DOCK2: variants seen among roughly 807,000 people sequenced by gnomAD.
The protein encoded by DOCK2 is dedicator of cytokinesis 2, also known as dedicator of cytokinesis protein 2.
In DOCK2, 87 loss-of-function variants were observed where a neutral mutation model predicts 248.9. The ratio of observed to expected loss-of-function variants is 0.35; its 90% CI spans 0.29 to 0.42. The LOEUF is 0.42. Among genes scored for constraint, DOCK2 ranks in the 10% least tolerant of loss-of-function variants. The probability of loss-of-function intolerance (pLI) is 1.00; values close to 1 mark genes in which losing one functional copy is unlikely to be tolerated. For synonymous variants in DOCK2, 805 were observed against 821.6 expected (o/e 0.98, Z 0.35); for missense variants, 1,747 against 2,300.2 (o/e 0.76, Z 4.92).
At chr5:169,705,827 T>G (rs190512964) in intron 14 of DOCK2, among the ~76,000 whole-genome samples, 154 of 152,314 alleles carry the variant, frequency 1.0e-3, no homozygotes, top group Non-Finnish European at 1.7e-3. Context: ...TTTTTCTTCC[T>G]GCAGAGATGT....
Position 169,972,570 on chromosome 5 carries a change from TAGATAGATAGATAGATGATAGATA to T in DOCK2, c.2800-10497_2800-10474del, listed in dbSNP as rs1467736464. 3.4e-4 allele frequency among the ~76,000 whole-genome samples: 22 copies of T among 64,682 alleles called. No homozygotes were observed. In the Admixed American group the frequency reaches 4.0e-3, roughly 12 times the overall value. 42.4% of individuals were successfully genotyped at this position (64,682 alleles called of 152,430 possible). On this transcript the variant is annotated intron_variant, in intron 27 of 51. Coordinates refer to ENST00000520908, the MANE Select transcript of DOCK2 (RefSeq NM_004946.3). ...ATAGATAGATAGATAGATAGATAGA[TAGATAGATAGATAGATGATAGATA>T]GATAGATAGATAGATAGATAGATAG...
At chr5:169,846,609 TACAC>T (rs36021201) in intron 27 of DOCK2, among the ~76,000 whole-genome samples, 4,230 of 150,858 alleles carry the variant, frequency 0.028, 93 homozygotes, top group Non-Finnish European at 0.047. Context: ...CACACACATA[TACAC>T]ACACACACAC....
intron 27 of DOCK2, among the ~76,000 whole-genome samples, chr5:169,878,716 C>G (rs1772467168): frequency 6.6e-6 from 1 of 152,174 alleles, no homozygotes; most frequent in South Asian, 2.1e-4. Flanking sequence ...TGGTGGCATT[C>G]ACTCAACCCT....
chr5:169,896,566 A>G (rs1773622763), intron 27 of DOCK2, among the ~76,000 whole-genome samples: 1 of 152,270 alleles, frequency 6.6e-6, no homozygotes, highest in African/African-American at 2.4e-5. Context: ...TGACACACTC[A>G]TAAATCTTTC....
At position 169,858,908 on chromosome 5, in the gene DOCK2, G is replaced by A. The variant is rs373968632; in HGVS notation, c.2799+18056G>A. On this transcript the variant is annotated intron_variant, in intron 27 of 51. Transcript: ENST00000520908. ...AAGCACCTGTAATCCCAGTTACTGG[G>A]GAGGCTGAGGTGAAAGGATTGCTGG... Among the ~76,000 whole-genome samples the A allele has an allele frequency of 8.5e-4, 130 of 152,312 alleles. 1 individual carries two copies. Among genetic ancestry groups the A allele is most frequent in the African/African-American group, 2.9e-3 (120 of 41,558 alleles).
intron 30 of DOCK2, among the ~76,000 whole-genome samples, chr5:170,005,372 G>C (rs1754988504): frequency 6.6e-6 from 1 of 151,112 alleles, no homozygotes; most frequent in Non-Finnish European, 1.5e-5. Context: ...GCTGAGCATG[G>C]CATTAGGGAT....
intron 25 of DOCK2, among the ~76,000 whole-genome samples, chr5:169,780,332 T>TGG (rs1554100109): frequency 0.011 from 1,252 of 113,622 alleles, 22 homozygotes; most frequent in African/African-American, 0.032. Context: ...TGTGTGTGTG[T>TGG]GTGTGTGTTG....
chr5:169,953,870 T>A (rs947666550), intron 27 of DOCK2, among the ~76,000 whole-genome samples: 3 of 152,238 alleles, frequency 2.0e-5, no homozygotes, highest in Non-Finnish European at 2.9e-5. Flanking sequence ...ACTTACTTGT[T>A]CCGAGTTAGT....
intron 32 of DOCK2, among the ~76,000 whole-genome samples, chr5:170,014,528 T>C (rs984374912): frequency 3.3e-5 from 5 of 151,934 alleles, no homozygotes; most frequent in Non-Finnish European, 7.4e-5. Flanking sequence ...ACATTTCTAA[T>C]GGACTAGCCA....
At chr5:169,642,351 G>A (rs73799177) in intron 1 of DOCK2, among the ~76,000 whole-genome samples, 1,557 of 152,206 alleles carry the variant, frequency 0.01, 26 homozygotes, top group African/African-American at 0.035. Context: ...AGTCTAATAG[G>A]GAAGATGAAA....
At chr5:169,762,265 A>T (rs1764529667) in intron 25 of DOCK2, among the ~76,000 whole-genome samples, 1 of 152,228 alleles carries the variant, frequency 6.6e-6, no homozygotes, top group Admixed American at 6.5e-5. Flanking sequence ...GTGGATGTGG[A>T]ATCAATTACG....
chr5:169,757,481 A>G (rs977133905), intron 23 of DOCK2, among the ~76,000 whole-genome samples: 5 of 152,208 alleles, frequency 3.3e-5, no homozygotes, highest in African/African-American at 7.2e-5. Flanking sequence ...AGAGGCTCCA[A>G]TAGAACATAG....
intron 27 of DOCK2, among the ~76,000 whole-genome samples, chr5:169,861,293 GA>G: frequency 6.6e-6 from 1 of 152,150 alleles, no homozygotes; most frequent in Admixed American, 6.5e-5. Flanking sequence ...GCTAGTAATG[GA>G]GTCTTAAAAC....
At chr5:169,974,218 A>T (rs1777631652) in intron 27 of DOCK2, among the ~76,000 whole-genome samples, 1 of 152,218 alleles carries the variant, frequency 6.6e-6, no homozygotes. Context: ...TATTACCAAC[A>T]TCTACTGAAA....
intron 27 of DOCK2, among the ~76,000 whole-genome samples, chr5:169,890,481 T>C (rs1026865916): frequency 2.0e-5 from 3 of 152,220 alleles, no homozygotes; most frequent in African/African-American, 4.8e-5. Context: ...TATCCACTTA[T>C]CTTTCCAATT....
At chr5:169,687,695 C>T (rs1374509460) in intron 8 of DOCK2, among the ~76,000 whole-genome samples, 1 of 152,050 alleles carries the variant, frequency 6.6e-6, no homozygotes, top group Admixed American at 6.5e-5. Context: ...AGTGCTAGAC[C>T]TCTCTATCTT....
intron 33 of DOCK2, among the ~76,000 whole-genome samples, chr5:170,021,371 G>A (rs1382667071): frequency 6.6e-6 from 1 of 152,146 alleles, no homozygotes; most frequent in Admixed American, 6.5e-5. Flanking sequence ...GAGGCCAGCG[G>A]GTGCCTTAGA....
chr5:169,928,428 A>C (rs1362173256), intron 27 of DOCK2, among the ~76,000 whole-genome samples: 2 of 152,248 alleles, frequency 1.3e-5, no homozygotes, highest in African/African-American at 4.8e-5. Context: ...TCACGTAGTC[A>C]GGCAGGTTCC....
chr5:169,806,970 G>T (rs1364107385), intron 26 of DOCK2, among the ~76,000 whole-genome samples: 1 of 151,836 alleles, frequency 6.6e-6, no homozygotes, highest in African/African-American at 2.4e-5. Flanking sequence ...CTTGGGTGCG[G>T]CACAAGAGAT....
Sources: gnomAD v4.1 joint callset for allele counts (sites outside exome capture counted in the v4.1 genomes callset) on GRCh38, gnomAD v4.1.1 for gene constraint, MANE v1.5 for transcripts, NCBI Gene and HGNC (gene_info 2026-07-23, HGNC 2026-07-21) for gene names.